Variants in PLSCR2 observed in about 807,000 individuals in gnomAD.
The protein encoded by PLSCR2 is phospholipid scramblase 2, also known as PL scramblase 2.
In PLSCR2, 18 loss-of-function variants were observed where a neutral mutation model predicts 25.3. That is an observed-to-expected ratio of 0.71 (90% CI 0.49 to 1.06). The LOEUF (loss-of-function observed/expected upper bound fraction) is 1.06, where lower values mean the gene tolerates loss of function less well. PLSCR2 is among the 50% of genes least tolerant of loss of function. The pLI is 0.00. For synonymous variants in PLSCR2, 88 were observed against 87.3 expected (o/e 1.01, Z -0.04); for missense variants, 243 against 269.5 (o/e 0.90, Z 0.69).
At chr3:146,395,956 A>G (rs749193396) in intron 2 of PLSCR2, 25 of 293,042 alleles carry the variant, frequency 8.5e-5, no homozygotes, top group Non-Finnish European at 1.1e-4. Flanking sequence ...TAGGATAAAA[A>G]TCTGTGAGAC....
At chr3:146,458,616 T>G (rs1287038690) in intron 2 of PLSCR2, among the ~76,000 whole-genome samples, 163 bp from the exon 3 acceptor site, 2 of 152,102 alleles carry the variant, frequency 1.3e-5, no homozygotes, top group Non-Finnish European at 2.9e-5. Context: ...AAAGTTAACA[T>G]ATTTTTAATT....
chr3:146,430,278 T>G (rs1333563366), downstream of PLSCR2, among the ~76,000 whole-genome samples: 1 of 152,148 alleles, frequency 6.6e-6, no homozygotes, highest in African/African-American at 2.4e-5. Flanking sequence ...AGGTAGATAC[T>G]ACTATCAATG....
chr3:146,451,087 A>G (rs988087116), intron 5 of PLSCR2, among the ~76,000 whole-genome samples: 5 of 151,144 alleles, frequency 3.3e-5, no homozygotes, highest in African/African-American at 1.2e-4. Context: ...CAACATCATA[A>G]GAAGTATACA....
At chr3:146,448,938 TA>T (rs2040724658) in intron 6 of PLSCR2, among the ~76,000 whole-genome samples, 1 of 152,166 alleles carries the variant, frequency 6.6e-6, no homozygotes. Flanking sequence ...GATTTTTTAA[TA>T]ACCCTACCCC....
At chr3:146,492,727 C>T (rs944772063) in intron 1 of PLSCR2, among the ~76,000 whole-genome samples, 1 of 151,576 alleles carries the variant, frequency 6.6e-6, no homozygotes, top group Non-Finnish European at 1.5e-5. Flanking sequence ...TAACATCACA[C>T]CTGGAGGAAT....
intron 1 of PLSCR2, among the ~76,000 whole-genome samples, chr3:146,474,861 C>T (rs1047945957): frequency 1.3e-5 from 2 of 151,624 alleles, no homozygotes; most frequent in African/African-American, 4.8e-5. Context: ...TCTCTATTCT[C>T]GTCTGCATGT....
intron 1 of PLSCR2, among the ~76,000 whole-genome samples, chr3:146,485,211 A>T (rs1274451522): frequency 6.6e-6 from 1 of 152,168 alleles, no homozygotes; most frequent in Non-Finnish European, 1.5e-5. Context: ...GGAGGACATT[A>T]CATAATGGTA....
At chr3:146,396,090 G>T (rs1007295809) in intron 2 of PLSCR2, among the ~76,000 whole-genome samples, 7 of 152,108 alleles carry the variant, frequency 4.6e-5, no homozygotes, top group Admixed American at 2.0e-4. Flanking sequence ...AAATTTATAG[G>T]CAATTCCTAT....
At chr3:146,455,999 G>T (rs111270368) in intron 3 of PLSCR2, among the ~76,000 whole-genome samples, 21 of 152,166 alleles carry the variant, frequency 1.4e-4, no homozygotes, top group Non-Finnish European at 2.8e-4. Context: ...AAAATGGAAG[G>T]AAATTAGAAG....
intron 2 of PLSCR2, among the ~76,000 whole-genome samples, chr3:146,459,400 A>G (rs1270092024): frequency 6.6e-6 from 1 of 152,202 alleles, no homozygotes; most frequent in African/African-American, 2.4e-5. Flanking sequence ...GTGGTGATGA[A>G]CAGTGTACCC....
chr3:146,469,522 C>T, intron 1 of PLSCR2: 1 of 985,444 alleles, frequency 1.0e-6, no homozygotes, highest in South Asian at 4.7e-5. Context: ...CCCGCACAGC[C>T]CTGAGCGAGC....
chr3:146,435,508 T>C (rs939872274), intron 8 of PLSCR2, among the ~76,000 whole-genome samples: 3 of 152,252 alleles, frequency 2.0e-5, no homozygotes, highest in Admixed American at 6.5e-5. Context: ...TGATTTGCAT[T>C]TCTCTGATGG....
At chr3:146,490,188 C>T (rs2043495676) in intron 1 of PLSCR2, among the ~76,000 whole-genome samples, 1 of 151,862 alleles carries the variant, frequency 6.6e-6, no homozygotes, top group South Asian at 2.1e-4. Flanking sequence ...TATAGGATAC[C>T]TATTATAGAT....
intron 8 of PLSCR2, among the ~76,000 whole-genome samples, chr3:146,436,252 G>C (rs558587516): frequency 5.4e-4 from 82 of 152,276 alleles, no homozygotes; most frequent in African/African-American, 1.9e-3. Flanking sequence ...TCTTGGCAAT[G>C]TGGGCTCTTT....
intron 2 of PLSCR2, among the ~76,000 whole-genome samples, chr3:146,397,643 A>G (rs922747492): frequency 7.9e-5 from 12 of 152,232 alleles, no homozygotes; most frequent in African/African-American, 2.6e-4. Flanking sequence ...TGTTTTATAT[A>G]ACTTTGACAA....
intron 1 of PLSCR2, among the ~76,000 whole-genome samples, chr3:146,465,697 G>T (rs187719670): frequency 6.6e-4 from 100 of 152,152 alleles, no homozygotes; most frequent in South Asian, 1.0e-3. Context: ...AGAATTCTAG[G>T]TGCCTAACTT....
intron 6 of PLSCR2, among the ~76,000 whole-genome samples, chr3:146,442,128 TTAA>T (rs1207423423): frequency 6.6e-6 from 1 of 152,092 alleles, no homozygotes; most frequent in Non-Finnish European, 1.5e-5. Context: ...TCTTTCTTAT[TTAA>T]TGTTTTGCAG....
chr3:146,470,390 C>G (rs1329148558), intron 1 of PLSCR2, among the ~76,000 whole-genome samples: 1 of 151,934 alleles, frequency 6.6e-6, no homozygotes, highest in African/African-American at 2.4e-5. Context: ...ACTAAAAATA[C>G]AAAAATGAGC....
intron 2 of PLSCR2, among the ~76,000 whole-genome samples, chr3:146,424,645 T>C (rs2039275714): frequency 6.6e-6 from 1 of 152,112 alleles, no homozygotes. Context: ...GGTCCAAATA[T>C]ATTAAATGAA....
Sources: gnomAD v4.1 joint callset for allele counts (sites outside exome capture counted in the v4.1 genomes callset) on GRCh38, gnomAD v4.1.1 for gene constraint, MANE v1.5 for transcripts, NCBI Gene and HGNC (gene_info 2026-07-23, HGNC 2026-07-21) for gene names.